CCNH: variants seen among roughly 807,000 people sequenced by gnomAD.
CCNH encodes the protein cyclin H, also known as cyclin-H.
Under a neutral mutation model 41.9 loss-of-function variants are expected in CCNH, and 31 were observed. That is an observed-to-expected ratio of 0.74 (90% CI 0.56 to 1.00). The LOEUF is 1.00. CCNH is among the 50% of genes least tolerant of loss of function. The pLI is 0.00. For missense variants in CCNH, 362 were observed against 388.4 expected, an observed-to-expected ratio of 0.93 and a Z score of 0.57; for synonymous variants, 138 against 136.1, an observed-to-expected ratio of 1.01 and a Z score of -0.10.
At chr5:87,394,181 AT>A, downstream of CCNH, 1 of 978,512 alleles carries the variant, frequency 1.0e-6, no homozygotes, top group East Asian at 4.5e-5. Flanking sequence ...TGCCTATCAT[AT>A]TTTGCTTAAA....
chr5:87,371,948 ATTG>A (rs1477145251), downstream of CCNH, among the ~76,000 whole-genome samples: 3 of 143,044 alleles, frequency 2.1e-5, no homozygotes, highest in East Asian at 2.4e-4. Flanking sequence ...TTGTTATGTT[ATTG>A]TTATTTTATT....
chr5:87,394,344 ATATTT>A lies in CCNH; in HGVS notation c.*97_*101del. ...AAGAAAACAATAGAAAAGTTTTAAT[ATATTT>A]TATGTTTTCACATTATACTTTTTAA... is the stretch of plus-strand genomic sequence containing the variant. On this transcript the variant is annotated 3_prime_UTR_variant, in exon 9 of 9. Transcript: ENST00000256897. 1 of 1,460,556 alleles carries A rather than the reference ATATTT, an allele frequency of 6.8e-7. No individual in the cohort carries two copies. The allele number at this position is 1,460,556 out of a possible 1,614,324, so 90.5% of individuals were successfully genotyped here.
At chr5:87,346,173 G>C (rs936681550) in intron 9 of CCNH, among the ~76,000 whole-genome samples, 6 of 151,966 alleles carry the variant, frequency 3.9e-5, no homozygotes, top group African/African-American at 1.4e-4. Flanking sequence ...TTCAGTTCTT[G>C]ATGGTGCTAT....
At chr5:87,372,622 A>G (rs900304381), downstream of CCNH, among the ~76,000 whole-genome samples, 1 of 152,156 alleles carries the variant, frequency 6.6e-6, no homozygotes, top group African/African-American at 2.4e-5. Flanking sequence ...GAAATATTTA[A>G]TCTTATTTGA....
intron 9 of CCNH, among the ~76,000 whole-genome samples, chr5:87,342,575 T>A (rs1758552728): frequency 6.6e-6 from 1 of 152,234 alleles, no homozygotes; most frequent in African/African-American, 2.4e-5. Flanking sequence ...TTGATCTTTC[T>A]TATTTTCCCT....
At chr5:87,385,763 ACTAT>A (rs537313865) in intron 9 of CCNH, among the ~76,000 whole-genome samples, 243 of 152,190 alleles carry the variant, frequency 1.6e-3, no homozygotes, top group African/African-American at 5.3e-3. Context: ...ACTTAATTGT[ACTAT>A]CTAAGGATAA....
At position 87,351,709 on chromosome 5, in the gene CCNH, G is replaced by A. The variant is rs115797268; in HGVS notation, c.*91-32812C>T. 7.5e-3 allele frequency among the ~76,000 whole-genome samples: 1,135 copies of A among 151,700 alleles called. 17 individuals carry two copies. Among genetic ancestry groups the A allele is most frequent in the African/African-American group, 0.026 (1,097 of 41,454 alleles). On this transcript the variant is annotated intron_variant and NMD_transcript_variant, in intron 9 of 9. Coordinates refer to the CCNH transcript ENST00000645953. ...TGACTGTTTATTTCGGTGTTTCTGC[G>A]TAGAGTATAAATGGAAGAGTAATTT...
chr5:87,380,905 T>TAC (rs1580396809), upstream of CCNH, among the ~76,000 whole-genome samples: 1 of 152,198 alleles, frequency 6.6e-6, no homozygotes, highest in Non-Finnish European at 1.5e-5. Flanking sequence ...TCTTCATACA[T>TAC]ACACACACAT....
At chr5:87,346,152 CCTT>C (rs1278477630) in intron 9 of CCNH, among the ~76,000 whole-genome samples, 1 of 151,962 alleles carries the variant, frequency 6.6e-6, no homozygotes, top group Non-Finnish European at 1.5e-5. Flanking sequence ...AACACTAAGT[CCTT>C]CTTTTCTTTC....
At chr5:87,344,678 A>ATTTTTTTT (rs113174684) in intron 9 of CCNH, among the ~76,000 whole-genome samples, 1 of 131,210 alleles carries the variant, frequency 7.6e-6, no homozygotes, top group African/African-American at 2.8e-5. Context: ...AAATGTTGTA[A>ATTTTTTTT]TTTTTTTTTT....
chr5:87,353,685 G>A (rs534517091), intron 9 of CCNH, among the ~76,000 whole-genome samples: 1 of 152,142 alleles, frequency 6.6e-6, no homozygotes, highest in East Asian at 1.9e-4. Flanking sequence ...TGTATACTCT[G>A]AGTGAAAACT....
At chr5:87,389,823 T>C (rs915088128), downstream of CCNH, among the ~76,000 whole-genome samples, 5 of 152,182 alleles carry the variant, frequency 3.3e-5, no homozygotes, top group African/African-American at 4.8e-5. Flanking sequence ...TAAGTCAATA[T>C]TGATTTTATT....
chr5:87,392,329 G>GTTAT, downstream of CCNH: 1 of 455,956 alleles, frequency 2.2e-6, no homozygotes, highest in Non-Finnish European at 4.4e-6. Context: ...ACAAAAGGCA[G>GTTAT]TTATTTCTAT....
At chr5:87,346,563 T>C (rs967304929) in intron 9 of CCNH, 9 of 613,380 alleles carry the variant, frequency 1.5e-5, no homozygotes, top group Non-Finnish European at 2.3e-5. Context: ...ATTAATTGCA[T>C]TTATTTTATC....
At chr5:87,391,536 T>C (rs1762517086), downstream of CCNH, 2 of 237,886 alleles carry the variant, frequency 8.4e-6, no homozygotes, top group East Asian at 1.2e-4. Flanking sequence ...ACTTATTTTG[T>C]TGAAATTGTC....
chr5:87,343,985 T>C (rs920735671), intron 9 of CCNH, among the ~76,000 whole-genome samples: 4 of 152,154 alleles, frequency 2.6e-5, no homozygotes, highest in Admixed American at 2.6e-4. Flanking sequence ...AAATACCATG[T>C]GTTCTCACTC....
chr5:87,395,156 T>A, intron 7 of CCNH, 52 bp from the exon 8 acceptor site: 3 of 1,509,176 alleles, frequency 2.0e-6, no homozygotes, highest in Middle Eastern at 1.7e-4. Flanking sequence ...ACAGAAACTA[T>A]AAAATGTAAA....
chr5:87,402,572 T>C (rs1032340444), intron 5 of CCNH, among the ~76,000 whole-genome samples: 1 of 152,112 alleles, frequency 6.6e-6, no homozygotes, highest in Non-Finnish European at 1.5e-5. Context: ...GTTAGAAAAA[T>C]AGAAAGCAAT....
At chr5:87,390,163 C>T (rs1448060207), downstream of CCNH, among the ~76,000 whole-genome samples, 2 of 152,100 alleles carry the variant, frequency 1.3e-5, no homozygotes, top group Non-Finnish European at 2.9e-5. Flanking sequence ...GACTTAATAC[C>T]AGGTCAATTA....
Sources: gnomAD v4.1 joint callset for allele counts (sites outside exome capture counted in the v4.1 genomes callset) on GRCh38, gnomAD v4.1.1 for gene constraint, MANE v1.5 for transcripts, NCBI Gene and HGNC (gene_info 2026-07-23, HGNC 2026-07-21) for gene names.